ARHGEF10L: variants seen among roughly 807,000 people sequenced by gnomAD.
ARHGEF10L encodes the protein rho guanine nucleotide exchange factor 10-like protein.
ARHGEF10L carries 69 observed loss-of-function variants against 141.2 expected under a neutral mutation model. The observed-to-expected ratio is 0.49, with a 90% CI of 0.40 to 0.60. ARHGEF10L has a LOEUF of 0.60. ARHGEF10L is among the 20% of genes least tolerant of loss of function. The pLI is 0.00. For synonymous variants in ARHGEF10L, 711 were observed against 718.5 expected (o/e 0.99, Z 0.17); for missense variants, 1,482 against 1,734.3 (o/e 0.85, Z 2.58).
At chr1:17,612,974 C>T in intron 7 of ARHGEF10L, 84 bp from the exon 8 acceptor site, 1 of 925,920 alleles carries the variant, frequency 1.1e-6, no homozygotes, top group African/African-American at 1.6e-5. Flanking sequence ...CTCCTTTCTC[C>T]CCTGTTGTCT....
intron 27 of ARHGEF10L, among the ~76,000 whole-genome samples, chr1:17,692,741 C>T (rs897839775): frequency 6.6e-6 from 1 of 152,248 alleles, no homozygotes; most frequent in Non-Finnish European, 1.5e-5. Context: ...CTAGGCCTTC[C>T]GGTAGCTTTT....
chr1:17,579,251 C>T (rs903339330), intron 1 of ARHGEF10L, among the ~76,000 whole-genome samples: 1 of 151,908 alleles, frequency 6.6e-6, no homozygotes, highest in African/African-American at 2.4e-5. Flanking sequence ...GAACTCCTGA[C>T]CTGAAGTGAT....
intron 1 of ARHGEF10L, among the ~76,000 whole-genome samples, chr1:17,563,515 A>G (rs1342563569): frequency 6.6e-6 from 1 of 152,182 alleles, no homozygotes; most frequent in Non-Finnish European, 1.5e-5. Context: ...AGTTACAGGC[A>G]TGAGCCACTG....
intron 18 of ARHGEF10L, among the ~76,000 whole-genome samples, chr1:17,636,066 C>T (rs1358842934): frequency 6.6e-6 from 1 of 152,178 alleles, no homozygotes; most frequent in African/African-American, 2.4e-5. Flanking sequence ...GAGTCCTCTG[C>T]CCCACGTGCC....
intron 20 of ARHGEF10L, 157 bp from the exon 21 acceptor site, chr1:17,640,045 C>A (rs2061241584): frequency 2.0e-6 from 3 of 1,472,252 alleles, no homozygotes; most frequent in Non-Finnish European, 2.7e-6. Context: ...GAGGCTTTGC[C>A]AAGCCACTGA....
intron 26 of ARHGEF10L, among the ~76,000 whole-genome samples, chr1:17,684,640 C>T (rs2064412154): frequency 6.6e-6 from 1 of 152,212 alleles, no homozygotes; most frequent in Non-Finnish European, 1.5e-5. Flanking sequence ...ATACAAGATT[C>T]TGTCCTTGCT....
At chr1:17,624,536 G>A in intron 13 of ARHGEF10L, 33 bp downstream of exon 13, 1 of 1,562,596 alleles carries the variant, frequency 6.4e-7, no homozygotes, top group Non-Finnish European at 8.8e-7. Flanking sequence ...TGCCTGGTCA[G>A]GGTGGGCAGG....
Position 17,644,791 on chromosome 1 carries a change from C to T in ARHGEF10L, c.2273-3763C>T, listed in dbSNP as rs2061499244. Among the ~76,000 whole-genome samples, 1 of 152,188 alleles carries T rather than the reference C, an allele frequency of 6.6e-6. No homozygotes were observed. The highest frequency in any genetic ancestry group is 2.4e-5 in the African/African-American group (1 of 41,446). On this transcript the variant is annotated intron_variant, in intron 21 of 28. Coordinates refer to ENST00000361221, the MANE Select transcript of ARHGEF10L (RefSeq NM_018125.4). This position sits in a 1 kb window ranked among gnomAD's most constrained non-coding sequence, Gnocchi z 4.5. Reference sequence around the variant, plus strand: ...AGCTGCCCTCAGTAATAGCGACAGTCAGACCATGAGCAGCGAGGACAGTGA... The same window carrying T: ...AGCTGCCCTCAGTAATAGCGACAGTTAGACCATGAGCAGCGAGGACAGTGA...
In ARHGEF10L at chr1:17,627,286, G is replaced by GT; in HGVS notation, c.1411-42dup. On this transcript the variant is annotated intron_variant, in intron 14 of 28. Transcript: ENST00000361221. The surrounding 1 kb of genome is among the most constrained non-coding windows in gnomAD (Gnocchi z 4.0). ...AGGCTTTGCCCCAGGCTGGGGTAGA[G>GT]TTGGTCATGGGTGGGCTGCTCAGTC... The GT allele has an allele frequency of 6.3e-7, 1 of 1,596,670 alleles. No homozygotes were observed. The highest frequency in any genetic ancestry group is 2.2e-5 in the East Asian group (1 of 44,562).
chr1:17,543,977 A>G (rs2076826424), intron 1 of ARHGEF10L, among the ~76,000 whole-genome samples: 1 of 147,024 alleles, frequency 6.8e-6, no homozygotes, highest in Non-Finnish European at 1.5e-5. Flanking sequence ...ATGGAGTTTC[A>G]CTCTTGTTGC....
intron 26 of ARHGEF10L, among the ~76,000 whole-genome samples, chr1:17,666,311 A>ATT (rs1225934106): frequency 6.6e-6 from 1 of 152,166 alleles, no homozygotes; most frequent in African/African-American, 2.4e-5. Flanking sequence ...CCAGGAGATA[A>ATT]TTGATCAGCA....
the ARHGEF10L span, among the ~76,000 whole-genome samples, chr1:17,514,337 T>C: frequency 6.6e-6 from 1 of 151,954 alleles, no homozygotes. Context: ...GGTTTTGCCA[T>C]GTTGGCCAGG....
chr1:17,574,111 A>G (rs1273959280), intron 1 of ARHGEF10L, among the ~76,000 whole-genome samples: 1 of 151,494 alleles, frequency 6.6e-6, no homozygotes, highest in Non-Finnish European at 1.5e-5. Context: ...GTCTGGGAGG[A>G]CGCTCCCTGA....
At chr1:17,662,079 G>A (rs1032494536) in intron 25 of ARHGEF10L, among the ~76,000 whole-genome samples, 9 of 152,132 alleles carry the variant, frequency 5.9e-5, no homozygotes, top group African/African-American at 2.2e-4. Context: ...GTGGCAAATG[G>A]CATCAAACAG....
In ARHGEF10L at chr1:17,673,875, AGTT is replaced by A. The variant is rs986163125; in HGVS notation, c.3009+9286_3009+9288del. 3.3e-5 allele frequency among the ~76,000 whole-genome samples: 5 copies of A among 152,132 alleles called. No individual in the cohort carries two copies. Among genetic ancestry groups the A allele is most frequent in the African/African-American group, 7.2e-5 (3 of 41,416 alleles). ...CTGGTGGGAGGAAGCACCACGTGTCAGTTGTTGTGTCATTGTGGTCACAGGACT... is the reference window on the plus strand; with the variant it reads ...CTGGTGGGAGGAAGCACCACGTGTCAGTTGTGTCATTGTGGTCACAGGACT... On this transcript the variant is annotated intron_variant, in intron 26 of 28. Coordinates refer to ENST00000361221, the MANE Select transcript of ARHGEF10L (RefSeq NM_018125.4). This position sits in a 1 kb window ranked among gnomAD's most constrained non-coding sequence, Gnocchi z 4.1.
At chr1:17,532,753 C>T in the ARHGEF10L span, among the ~76,000 whole-genome samples, 1 of 151,942 alleles carries the variant, frequency 6.6e-6, no homozygotes, top group Non-Finnish European at 1.5e-5. Flanking sequence ...GACCACCATG[C>T]CCAGCTAATT....
chr1:17,554,624 C>T (rs907963183), intron 1 of ARHGEF10L, among the ~76,000 whole-genome samples: 3 of 137,226 alleles, frequency 2.2e-5, no homozygotes, highest in East Asian at 4.3e-4. Flanking sequence ...CTTGCTCTGT[C>T]GCCCAGGCTG....
In ARHGEF10L at chr1:17,607,852, C is replaced by A. The variant is rs145133878; in HGVS notation, c.484C>A (p.Arg162=). Residue 162 remains arginine (R), a synonymous_variant, in exon 7 of 29, where the codon CGG becomes AGG. Coordinates refer to ENST00000361221, the MANE Select transcript of ARHGEF10L (RefSeq NM_018125.4). The surrounding 1 kb of genome is among the most constrained non-coding windows in gnomAD (Gnocchi z 4.5). ...GGATGCGCACCGGGCTGGGGCCCCT[C>A]GGCAGGCGGAGGACCTAGGCTGGAG... The part of the protein sequence containing the change: ...YEDAHRAGAP[R]QAEDLGWSSS... 0.019 allele frequency: 29,745 copies of A among 1,589,404 alleles called. 343 individuals are homozygous for A. Among genetic ancestry groups the A allele is most frequent in the Middle Eastern group, 0.03 (173 of 5,804 alleles).
At chr1:17,585,874 G>A (rs2078981881) in intron 2 of ARHGEF10L, among the ~76,000 whole-genome samples, 2 of 152,280 alleles carry the variant, frequency 1.3e-5, no homozygotes, top group African/African-American at 2.4e-5. Context: ...GCAGACCCAT[G>A]GGCTAGAAAA....
Sources: gnomAD v4.1 joint callset for allele counts (sites outside exome capture counted in the v4.1 genomes callset) on GRCh38, gnomAD v4.1.1 for gene constraint, Gnocchi (gnomAD v3.1) non-coding constraint, MANE v1.5 for transcripts, NCBI Gene and HGNC (gene_info 2026-07-23, HGNC 2026-07-21) for gene names.